The following SBF2 variants were observed in gnomAD, a reference collection of about 807,000 sequenced individuals.
The protein encoded by SBF2 is myotubularin-related protein 13.
Under a neutral mutation model 225.2 loss-of-function variants are expected in SBF2, and 112 were observed. That is an observed-to-expected ratio of 0.50 (90% CI 0.43 to 0.58). The LOEUF is 0.58. SBF2 is among the 20% of genes least tolerant of loss of function. The pLI, the probability that SBF2 is intolerant of heterozygous loss-of-function variation, is 0.00. For missense variants in SBF2, 1,996 were observed against 2,206.2 expected, an observed-to-expected ratio of 0.90 and a Z score of 1.91; for synonymous variants, 763 against 773.3, an observed-to-expected ratio of 0.99 and a Z score of 0.22.
chr11:10,197,075 A>G (rs569903614), intron 1 of SBF2, among the ~76,000 whole-genome samples: 9 of 152,068 alleles, frequency 5.9e-5, no homozygotes, highest in African/African-American at 2.2e-4. Flanking sequence ...TCCAGATTCT[A>G]CCTCTAGTAA....
At chr11:9,852,258 A>G (rs1452109400) in intron 21 of SBF2, among the ~76,000 whole-genome samples, 1 of 152,172 alleles carries the variant, frequency 6.6e-6, no homozygotes, top group East Asian at 1.9e-4. Flanking sequence ...CTGAATTTTT[A>G]ATAGACTTTC....
intron 16 of SBF2, among the ~76,000 whole-genome samples, chr11:9,924,740 T>C (rs1206707082): frequency 1.3e-5 from 2 of 150,826 alleles, no homozygotes; most frequent in Non-Finnish European, 3.0e-5. Flanking sequence ...TCGCATTTTC[T>C]TATTTTTATT....
At chr11:10,001,050 T>TTTGACGC in intron 7 of SBF2, 28 bp from the exon 8 acceptor site, 1 of 1,176,158 alleles carries the variant, frequency 8.5e-7, no homozygotes, top group Non-Finnish European at 1.3e-6. Context: ...ATGCGTCAAA[T>TTTGACGC]ATATTTTTCT....
intron 16 of SBF2, chr11:9,957,819 A>C (rs2134347773): frequency 6.6e-6 from 1 of 152,150 alleles, no homozygotes. Context: ...TAGAGGACCA[A>C]GCAAAAAGAA....
At chr11:10,170,841 T>C (rs1283951670) in intron 2 of SBF2, among the ~76,000 whole-genome samples, 1 of 152,134 alleles carries the variant, frequency 6.6e-6, no homozygotes, top group Non-Finnish European at 1.5e-5. Context: ...CAGTGATTTA[T>C]AATTTTCATT....
In SBF2 at chr11:9,812,512, G is replaced by T. The variant is rs909516609; in HGVS notation, c.4155+20C>A. On this transcript the variant is annotated intron_variant, in intron 30 of 39. Transcript: ENST00000256190. Reference sequence around the variant, plus strand: ...TCTGTTTCTTTGAGTTATAAAGAAAGAAGCTGCTTCAGACATTACCTGTGG... The same window carrying T: ...TCTGTTTCTTTGAGTTATAAAGAAATAAGCTGCTTCAGACATTACCTGTGG... 2.5e-6 allele frequency: 4 copies of T among 1,613,712 alleles called. No homozygotes were observed. In the African/African-American group the frequency reaches 5.3e-5, roughly 22 times the overall value.
intron 2 of SBF2, among the ~76,000 whole-genome samples, chr11:10,146,282 G>T (rs1422781287): frequency 6.6e-6 from 1 of 152,058 alleles, no homozygotes; most frequent in East Asian, 1.9e-4. Context: ...TAAGCAAAAA[G>T]AACAAGGCTA....
At chr11:10,102,693 G>A (rs1447972053) in intron 2 of SBF2, among the ~76,000 whole-genome samples, 1 of 152,080 alleles carries the variant, frequency 6.6e-6, no homozygotes, top group East Asian at 1.9e-4. Flanking sequence ...AGGTTTGAAG[G>A]GTATTATTTT....
At position 9,784,458 on chromosome 11, in the gene SBF2, G is replaced by T. The variant is rs1179610664; in HGVS notation, c.5232-20C>A. ...AAGGACCTAGAAGAAATGATGACAG[G>T]AGAGTTAATTTTGATTTACACTTAC... On this transcript the variant is annotated intron_variant, in intron 37 of 39. Coordinates refer to ENST00000256190, the MANE Select transcript of SBF2 (RefSeq NM_030962.4). 4.4e-6 allele frequency: 7 copies of T among 1,575,394 alleles called. No individual in the cohort carries two copies. In the East Asian group the frequency reaches 1.3e-4, roughly 30 times the overall value.
At chr11:9,846,145 G>A (rs1335330313) in intron 23 of SBF2, among the ~76,000 whole-genome samples, 1 of 152,188 alleles carries the variant, frequency 6.6e-6, no homozygotes, top group Non-Finnish European at 1.5e-5. Flanking sequence ...AATCAGTACA[G>A]CTAGGCAATA....
intron 14 of SBF2, among the ~76,000 whole-genome samples, chr11:9,965,391 T>C (rs1435816715): frequency 6.7e-6 from 1 of 150,362 alleles, no homozygotes; most frequent in African/African-American, 2.5e-5. Context: ...CAGGTTCAAG[T>C]GATTCTCCTG....
chr11:10,289,439 A>G (rs1964019244), intron 1 of SBF2, among the ~76,000 whole-genome samples: 1 of 152,070 alleles, frequency 6.6e-6, no homozygotes, highest in Non-Finnish European at 1.5e-5. Flanking sequence ...AGCCCTAGCC[A>G]TGCCCCCTCG....
chr11:9,818,895 T>G (rs1160905122), intron 28 of SBF2, among the ~76,000 whole-genome samples: 1 of 151,826 alleles, frequency 6.6e-6, no homozygotes, highest in Non-Finnish European at 1.5e-5. Flanking sequence ...CTAATTTTTG[T>G]ATTTTTAGTA....
chr11:9,904,694 A>G (rs1190976002), intron 16 of SBF2, among the ~76,000 whole-genome samples: 2 of 152,186 alleles, frequency 1.3e-5, no homozygotes, highest in Non-Finnish European at 1.5e-5. Context: ...AACTGTTCAC[A>G]TGGATTTAAA....
intron 16 of SBF2, among the ~76,000 whole-genome samples, chr11:9,924,004 C>T: frequency 6.6e-6 from 1 of 152,166 alleles, no homozygotes; most frequent in East Asian, 1.9e-4. Flanking sequence ...TTACATCCAC[C>T]ACTACTTCAG....
chr11:10,289,179 C>T (rs1395862791), intron 1 of SBF2, among the ~76,000 whole-genome samples: 2 of 152,216 alleles, frequency 1.3e-5, no homozygotes, highest in African/African-American at 2.4e-5. Flanking sequence ...AACCCCGCTC[C>T]GAGATTGGAG....
intron 2 of SBF2, among the ~76,000 whole-genome samples, chr11:10,122,994 T>C (rs1441636613): frequency 6.6e-6 from 1 of 152,192 alleles, no homozygotes; most frequent in East Asian, 1.9e-4. Context: ...TTTCTTCTGC[T>C]TTCTGCCAAA....
At chr11:10,140,841 C>CA (rs1453876345) in intron 2 of SBF2, among the ~76,000 whole-genome samples, 1 of 150,326 alleles carries the variant, frequency 6.7e-6, no homozygotes, top group Non-Finnish European at 1.5e-5. Flanking sequence ...CAGTTGGTGT[C>CA]AGAGGTTGGA....
chr11:10,129,697 C>G (rs1953937532), intron 2 of SBF2, among the ~76,000 whole-genome samples: 1 of 150,420 alleles, frequency 6.6e-6, no homozygotes, highest in South Asian at 2.1e-4. Context: ...TTAATTATGT[C>G]TCTAAATTTT....
Sources: gnomAD v4.1 joint callset for allele counts (sites outside exome capture counted in the v4.1 genomes callset) on GRCh38, gnomAD v4.1.1 for gene constraint, MANE v1.5 for transcripts, NCBI Gene and HGNC (gene_info 2026-07-23, HGNC 2026-07-21) for gene names.